ATP10B: variants seen among roughly 807,000 people sequenced by gnomAD.
ATP10B encodes phospholipid-transporting ATPase VB.
A neutral mutation model predicts 141.2 loss-of-function variants in ATP10B; 122 were observed. That is an observed-to-expected ratio of 0.86 (90% CI 0.75 to 1.00). The LOEUF (loss-of-function observed/expected upper bound fraction) is 1.00, where lower values mean the gene tolerates loss of function less well. ATP10B is among the 50% of genes least tolerant of loss of function. ATP10B has a pLI of 0.00. For synonymous variants in ATP10B, 685 were observed against 692.0 expected (o/e 0.99, Z 0.16); for missense variants, 1,876 against 1,825.3 (o/e 1.03, Z -0.51).
intron 1 of ATP10B, among the ~76,000 whole-genome samples, chr5:160,824,348 C>T (rs949574655): frequency 2.0e-5 from 3 of 152,104 alleles, no homozygotes; most frequent in Non-Finnish European, 4.4e-5. Flanking sequence ...ATTGTTGTTC[C>T]AGCAGGTACA....
At chr5:160,780,609 T>G (rs934211190) in intron 2 of ATP10B, among the ~76,000 whole-genome samples, 10 of 152,192 alleles carry the variant, frequency 6.6e-5, no homozygotes, top group African/African-American at 2.4e-4. Context: ...TTTACCCCAG[T>G]GTACTGTGTA....
At chr5:160,819,896 G>T (rs759829145) in intron 1 of ATP10B, among the ~76,000 whole-genome samples, 2 of 151,876 alleles carry the variant, frequency 1.3e-5, no homozygotes. Flanking sequence ...TCATTTTATG[G>T]CTATAAGTTC....
chr5:160,598,688 T>C, intron 22 of ATP10B, 82 bp downstream of exon 22: 1 of 1,303,080 alleles, frequency 7.7e-7, no homozygotes, highest in Non-Finnish European at 1.1e-6. Flanking sequence ...AGCATACAGC[T>C]CTTTCTCTGA....
intron 1 of ATP10B, among the ~76,000 whole-genome samples, chr5:160,787,197 T>C (rs750407838): frequency 6.6e-6 from 1 of 151,450 alleles, no homozygotes; most frequent in Non-Finnish European, 1.5e-5. Context: ...TTAAAAAGGG[T>C]AGATTTCAAG....
rs1479405486 is a variant in ATP10B at position 160,606,884 on chromosome 5, T to A, written c.3041A>T (p.Lys1014Met). 5.0e-6 allele frequency: 8 copies of A among 1,614,012 alleles called. No homozygotes were observed. In the African/African-American group the frequency reaches 5.3e-5, roughly 11 times the overall value. Reference protein sequence around the residue: ...NAIFQGKLEKKFLELTQYCRS... With the variant: ...NAIFQGKLEKMFLELTQYCRS... ...ACAATACTGGGTCAATTCCAGAAAC[T>A]TCTTCTCTAGCTTTCCCTGGAAGAT... Residue 1014 changes from lysine (K) to methionine (M), a missense_variant, in exon 19 of 26, where the codon AAG (lysine) becomes ATG (methionine). Lys to Met is a moderately conservative substitution (Grantham distance 95, BLOSUM62 -1). Transcript: ENST00000327245.
chr5:160,793,809 A>G (rs1771759407), intron 1 of ATP10B, among the ~76,000 whole-genome samples: 1 of 152,182 alleles, frequency 6.6e-6, no homozygotes. Flanking sequence ...ACCATTAAAA[A>G]TGTTTTTTCA....
At chr5:160,767,370 T>C (rs1323122799) in intron 2 of ATP10B, among the ~76,000 whole-genome samples, 1 of 152,196 alleles carries the variant, frequency 6.6e-6, no homozygotes, top group African/African-American at 2.4e-5. Context: ...TGATTACCTA[T>C]ATTTTAATCC....
chr5:160,735,187 A>G (rs936052980), intron 2 of ATP10B, among the ~76,000 whole-genome samples: 18 of 151,858 alleles, frequency 1.2e-4, no homozygotes, highest in Non-Finnish European at 2.7e-4. Flanking sequence ...AATGGACTAA[A>G]ATCTCTAATC....
chr5:160,648,897 A>C (rs570246429), intron 8 of ATP10B, among the ~76,000 whole-genome samples: 1 of 150,614 alleles, frequency 6.6e-6, no homozygotes, highest in Non-Finnish European at 1.5e-5. Context: ...ATCAGAGCAC[A>C]ATCTTGATTT....
chr5:160,612,546 A>C, intron 18 of ATP10B, 195 bp downstream of exon 18: 2 of 453,630 alleles, frequency 4.4e-6, no homozygotes, highest in Middle Eastern at 5.7e-4. Context: ...CCAGCTAGCC[A>C]TGTGTGGGGA....
the ATP10B span, among the ~76,000 whole-genome samples, chr5:160,899,436 C>T: frequency 1.3e-5 from 2 of 152,034 alleles, no homozygotes; most frequent in Non-Finnish European, 2.9e-5. Flanking sequence ...TATGAGGAAA[C>T]TTTGGGGGTG....
chr5:160,606,539 C>T (rs1757396584), intron 19 of ATP10B, among the ~76,000 whole-genome samples: 1 of 152,090 alleles, frequency 6.6e-6, no homozygotes, highest in Non-Finnish European at 1.5e-5. Context: ...CCATCTAAAC[C>T]CTGATTTATC....
rs768392494 is a variant in ATP10B, at chr5:160,602,652, C to G, written c.3288G>C (p.Lys1096Asn). 6.2e-7 allele frequency: 1 copy of G among 1,614,122 alleles called. No individual in the cohort carries two copies. The highest frequency in any genetic ancestry group is 8.5e-7 in the Non-Finnish European group (1 of 1,179,968). Reference sequence around the variant, plus strand: ...ACCAGTGGCCATGCACGAGCAGCAACTTCTTGAGATGCTTAAAGCGGGTGA... The same window carrying G: ...ACCAGTGGCCATGCACGAGCAGCAAGTTCTTGAGATGCTTAAAGCGGGTGA... ...FAITRFKHLK[K>N]LLLVHGHWCY... The change falls in exon 21 of 26, where the codon AAG (lysine) becomes AAC (asparagine). Residue 1096 changes from lysine to asparagine, a missense_variant. By Grantham distance (94) the Lys-to-Asn change is moderately conservative. Transcript: ENST00000327245.
intron 21 of ATP10B, among the ~76,000 whole-genome samples, chr5:160,600,898 G>A (rs774338262): frequency 3.9e-5 from 6 of 152,186 alleles, no homozygotes; most frequent in Admixed American, 1.3e-4. Context: ...GAGATAATGC[G>A]GCATTAGTAT....
chr5:160,606,840 G>C lies in ATP10B; in HGVS notation c.3085C>G (p.Arg1029Gly). ...TQYCRSVLCCRSTPLQKSMIV... is the reference protein window; with the variant it reads ...TQYCRSVLCCGSTPLQKSMIV... Reference sequence around the variant, plus strand: ...ATACTCTTCTGGAGTGGCGTGGAGCGGCAGCACAGGACGGACCGACAATAC... The same window carrying C: ...ATACTCTTCTGGAGTGGCGTGGAGCCGCAGCACAGGACGGACCGACAATAC... Residue 1029 changes from arginine (R) to glycine (G), a missense_variant, in exon 19 of 26, where the codon CGC becomes GGC. By Grantham distance (125) the Arg-to-Gly change is moderately radical. Transcript: ENST00000327245. 6.2e-7 allele frequency: 1 copy of C among 1,614,088 alleles called. No homozygotes were observed. Among genetic ancestry groups the C allele is most frequent in the Non-Finnish European group, 8.5e-7 (1 of 1,179,990 alleles).
chr5:160,663,754 C>T (rs1023587329), intron 7 of ATP10B, among the ~76,000 whole-genome samples: 8 of 150,874 alleles, frequency 5.3e-5, no homozygotes, highest in Non-Finnish European at 7.4e-5. Context: ...CAAACCTGCA[C>T]GTTGTGCACA....
At chr5:160,874,428 T>C in the ATP10B span, among the ~76,000 whole-genome samples, 1 of 151,806 alleles carries the variant, frequency 6.6e-6, no homozygotes, top group Non-Finnish European at 1.5e-5. Flanking sequence ...ACCACAAAGA[T>C]GGGGAAAAAA....
chr5:160,813,984 C>T (rs1042539141), intron 1 of ATP10B, among the ~76,000 whole-genome samples: 1 of 152,156 alleles, frequency 6.6e-6, no homozygotes, highest in Non-Finnish European at 1.5e-5. Context: ...CCCATCTGTA[C>T]GTCACCATCA....
chr5:160,909,276 G>T, the ATP10B span, among the ~76,000 whole-genome samples: 1 of 152,174 alleles, frequency 6.6e-6, no homozygotes, highest in Non-Finnish European at 1.5e-5. Context: ...GTAAGACACA[G>T]CCAATGCTGT....
Sources: allele counts gnomAD v4.1 joint callset (sites outside exome capture counted in the v4.1 genomes callset), GRCh38; gene constraint gnomAD v4.1.1; transcripts MANE v1.5; gene names NCBI Gene and HGNC (gene_info 2026-07-23, HGNC 2026-07-21).